NRG3: variants seen among roughly 807,000 people sequenced by gnomAD.
The protein encoded by NRG3 is pro-neuregulin-3, membrane-bound isoform.
A neutral mutation model predicts 66.9 loss-of-function variants in NRG3; 31 were observed. The observed-to-expected ratio is 0.46, with a 90% confidence interval of 0.35 to 0.63. The LOEUF (loss-of-function observed/expected upper bound fraction) is 0.63. NRG3 is among the 20% of genes least tolerant of loss of function. The pLI, the probability that NRG3 is intolerant of heterozygous loss-of-function variation, is 0.00. For missense variants in NRG3, 910 were observed against 878.9 expected, an observed-to-expected ratio of 1.04 and a Z score of -0.45; for synonymous variants, 393 against 359.4, an observed-to-expected ratio of 1.09 and a Z score of -1.06.
intron 2 of NRG3, among the ~76,000 whole-genome samples, chr10:82,412,951 A>T (rs2088220770): frequency 6.6e-6 from 1 of 152,144 alleles, no homozygotes; most frequent in Non-Finnish European, 1.5e-5. Context: ...TTCTAATTCT[A>T]GTTCTCTTGC....
At chr10:82,073,530 C>T (rs1313953464) in intron 1 of NRG3, among the ~76,000 whole-genome samples, 24 of 151,956 alleles carry the variant, frequency 1.6e-4, no homozygotes, top group Admixed American at 1.6e-3. Context: ...TGCCAGTGAC[C>T]TACATTTTTG....
At chr10:81,926,231 C>T (rs936455681) in intron 1 of NRG3, among the ~76,000 whole-genome samples, 2 of 152,152 alleles carry the variant, frequency 1.3e-5, no homozygotes, top group African/African-American at 2.4e-5. Context: ...GAATCTCCTG[C>T]CTCAGTCTCC....
intron 1 of NRG3, among the ~76,000 whole-genome samples, chr10:82,168,436 GA>G: frequency 6.6e-6 from 1 of 152,112 alleles, no homozygotes. Context: ...CTACAGATGT[GA>G]AATACACTTG....
intron 1 of NRG3, among the ~76,000 whole-genome samples, chr10:82,272,882 C>T (rs1396408702): frequency 6.6e-6 from 1 of 152,012 alleles, no homozygotes; most frequent in Admixed American, 6.6e-5. Flanking sequence ...CTTTAGAAGG[C>T]TCGCTATGGC....
intron 1 of NRG3, among the ~76,000 whole-genome samples, chr10:82,253,035 C>G (rs2077559511): frequency 6.6e-6 from 1 of 152,174 alleles, no homozygotes; most frequent in African/African-American, 2.4e-5. Flanking sequence ...TTCCCTTTGC[C>G]TCCTCATCTC....
chr10:82,381,569 AG>A (rs766766014), intron 2 of NRG3, among the ~76,000 whole-genome samples: 6 of 152,166 alleles, frequency 3.9e-5, no homozygotes, highest in Non-Finnish European at 8.8e-5. Flanking sequence ...AAGACTGAAA[AG>A]CTATTTCATT....
intron 1 of NRG3, among the ~76,000 whole-genome samples, chr10:82,194,682 C>T (rs1428108828): frequency 6.6e-6 from 1 of 152,054 alleles, no homozygotes; most frequent in Non-Finnish European, 1.5e-5. Context: ...TGAGAGGGCA[C>T]CGGTGGGAGG....
At chr10:82,817,593 T>C (rs2061767762) in intron 3 of NRG3, among the ~76,000 whole-genome samples, 1 of 152,210 alleles carries the variant, frequency 6.6e-6, no homozygotes, top group Admixed American at 6.5e-5. Flanking sequence ...CCTGGACTCT[T>C]ATCTCCATGA....
chr10:82,685,161 C>G (rs1170847337), intron 2 of NRG3, among the ~76,000 whole-genome samples: 1 of 152,050 alleles, frequency 6.6e-6, no homozygotes, highest in Non-Finnish European at 1.5e-5. Flanking sequence ...TTAACCACAC[C>G]CTCATCTCCA....
At chr10:82,924,719 C>T (rs1302800819) in intron 4 of NRG3, among the ~76,000 whole-genome samples, 1 of 152,128 alleles carries the variant, frequency 6.6e-6, no homozygotes, top group Non-Finnish European at 1.5e-5. Context: ...CTGTAACTCA[C>T]AGCAGCTTGG....
At chr10:81,916,888 A>G (rs1202234014) in intron 1 of NRG3, among the ~76,000 whole-genome samples, 1 of 152,194 alleles carries the variant, frequency 6.6e-6, no homozygotes, top group Non-Finnish European at 1.5e-5. Context: ...AAAAAATGTC[A>G]TGAAATAGGC....
At chr10:82,822,211 G>A (rs2061981633) in intron 3 of NRG3, among the ~76,000 whole-genome samples, 1 of 152,134 alleles carries the variant, frequency 6.6e-6, no homozygotes, top group Non-Finnish European at 1.5e-5. Flanking sequence ...AGGAACACCT[G>A]CCCAAAGAAT....
chr10:82,348,024 T>C (rs1489544768), intron 1 of NRG3, among the ~76,000 whole-genome samples: 8 of 152,098 alleles, frequency 5.3e-5, no homozygotes, highest in Non-Finnish European at 1.2e-4. Flanking sequence ...TTTATCCAAT[T>C]TCCCAGTCTG....
At position 82,884,928 on chromosome 10, in the gene NRG3, T is replaced by A. The variant is rs184110370; in HGVS notation, c.1054+19491T>A. 1.6e-4 allele frequency among the ~76,000 whole-genome samples: 25 copies of A among 152,348 alleles called. 1 individual carries two copies. The highest frequency in any genetic ancestry group is 5.9e-4 in the Admixed American group (9 of 15,304). ...GATTCTGTCTTATAACAACTGGAACTTTTCCAGTCATTCTGTCCTTCAGAT... is the reference window on the plus strand; with the variant it reads ...GATTCTGTCTTATAACAACTGGAACATTTCCAGTCATTCTGTCCTTCAGAT... On this transcript the variant is annotated intron_variant, in intron 4 of 8. Transcript: ENST00000372141.
chr10:82,782,739 C>G (rs1032641342), intron 3 of NRG3, among the ~76,000 whole-genome samples: 1 of 152,054 alleles, frequency 6.6e-6, no homozygotes, highest in African/African-American at 2.4e-5. Flanking sequence ...CAAAAAGAGT[C>G]CAGGACCAGA....
At chr10:81,941,915 A>C (rs561227954) in intron 1 of NRG3, among the ~76,000 whole-genome samples, 1 of 152,242 alleles carries the variant, frequency 6.6e-6, no homozygotes, top group Non-Finnish European at 1.5e-5. Context: ...AGTAGTTCTG[A>C]GGCAAAAGAA....
At chr10:82,412,065 T>G (rs1282523860) in intron 2 of NRG3, among the ~76,000 whole-genome samples, 1 of 152,146 alleles carries the variant, frequency 6.6e-6, no homozygotes, top group Admixed American at 6.6e-5. Context: ...AGCATGATTT[T>G]ACGTTTCATG....
intron 1 of NRG3, among the ~76,000 whole-genome samples, chr10:82,155,216 T>G (rs183405099): frequency 2.0e-5 from 3 of 151,880 alleles, no homozygotes; most frequent in African/African-American, 7.2e-5. Flanking sequence ...TTTTCACCTG[T>G]GCTCTTTAAA....
In NRG3 at chr10:82,368,483, G is replaced by A. The variant is rs1182738090; in HGVS notation, c.953+9615G>A. 1.4e-5 allele frequency among the ~76,000 whole-genome samples: 2 copies of A among 138,496 alleles called. 1 individual carries two copies. The highest frequency in any genetic ancestry group is 3.0e-5 in the Non-Finnish European group (2 of 67,530). The allele number at this position is 138,496 out of a possible 152,430, so 90.9% of individuals were successfully genotyped here. A position where few individuals can be genotyped will look rare whatever the true frequency, so the allele number is the denominator to read the frequency against. Reference sequence around the variant, plus strand: ...AATAGGAGGCCACCTTTTGTTAGGGGAATGCTCCCTTTTGACAGTTCCTGA... The same window carrying A: ...AATAGGAGGCCACCTTTTGTTAGGGAAATGCTCCCTTTTGACAGTTCCTGA... On this transcript the variant is annotated intron_variant, in intron 2 of 8. Coordinates refer to ENST00000372141, the MANE Select transcript of NRG3 (RefSeq NM_001010848.4).
Sources: allele counts gnomAD v4.1 joint callset (sites outside exome capture counted in the v4.1 genomes callset), GRCh38; gene constraint gnomAD v4.1.1; transcripts MANE v1.5; gene names NCBI Gene and HGNC (gene_info 2026-07-23, HGNC 2026-07-21).